The following MBNL2 variants were observed in gnomAD, a reference collection of about 807,000 sequenced individuals.
The protein encoded by MBNL2 is muscleblind like splicing regulator 2.
MBNL2 carries 17 observed loss-of-function variants against 41.9 expected under a neutral mutation model. The ratio of observed to expected loss-of-function variants is 0.41; its 90% CI spans 0.28 to 0.61. The LOEUF is 0.61. Ranked by LOEUF, MBNL2 falls within the 20% of genes least tolerant of loss-of-function variation. MBNL2 has a pLI of 0.35. For synonymous variants in MBNL2, 195 were observed against 182.9 expected, an observed-to-expected ratio of 1.07 and a Z score of -0.53; for missense variants, 336 against 505.6, an observed-to-expected ratio of 0.66 and a Z score of 3.22.
chr13:97,295,105 A>G (rs939999639), intron 2 of MBNL2, among the ~76,000 whole-genome samples: 1 of 152,236 alleles, frequency 6.6e-6, no homozygotes, highest in Non-Finnish European at 1.5e-5. Context: ...CGGAGAAGAC[A>G]TGATAGCCCT....
chr13:97,253,648 C>A (rs1158676796), intron 1 of MBNL2, among the ~76,000 whole-genome samples: 1 of 152,062 alleles, frequency 6.6e-6, no homozygotes, highest in Non-Finnish European at 1.5e-5. Context: ...AAACATGTTT[C>A]AAATTTACTA....
intron 1 of MBNL2, among the ~76,000 whole-genome samples, chr13:97,228,503 A>G (rs1026116318): frequency 7.3e-5 from 11 of 150,992 alleles, no homozygotes; most frequent in Non-Finnish European, 1.5e-4. Flanking sequence ...ACATGTATAT[A>G]TAATTTCAGT....
intron 1 of MBNL2, among the ~76,000 whole-genome samples, chr13:97,272,708 G>A (rs1223268723): frequency 2.0e-5 from 3 of 152,162 alleles, no homozygotes; most frequent in Non-Finnish European, 4.4e-5. Context: ...GGTTCTAAGT[G>A]TTCTCACAAC....
At chr13:97,208,281 G>A in the MBNL2 span, among the ~76,000 whole-genome samples, 1 of 152,146 alleles carries the variant, frequency 6.6e-6, no homozygotes, top group Non-Finnish European at 1.5e-5. Context: ...CATGTTGTGG[G>A]ACCATTATTT....
intron 1 of MBNL2, among the ~76,000 whole-genome samples, chr13:97,251,604 T>C (rs1303519394): frequency 6.6e-6 from 1 of 152,230 alleles, no homozygotes; most frequent in African/African-American, 2.4e-5. Flanking sequence ...TTCTTTGCAT[T>C]GTTTTGTATT....
chr13:97,223,547 GA>G (rs1176058172), intron 1 of MBNL2, among the ~76,000 whole-genome samples: 1 of 152,076 alleles, frequency 6.6e-6, no homozygotes, highest in Non-Finnish European at 1.5e-5. Flanking sequence ...CTGAAGCGAA[GA>G]AAAAAATCTG....
intron 3 of MBNL2, among the ~76,000 whole-genome samples, chr13:97,336,828 G>C (rs1408973297): frequency 6.6e-6 from 1 of 152,176 alleles, no homozygotes; most frequent in African/African-American, 2.4e-5. Flanking sequence ...TGCAAAAACT[G>C]CATAAGACAA....
chr13:97,274,258 G>A (rs1009661799), intron 1 of MBNL2, among the ~76,000 whole-genome samples: 17 of 152,090 alleles, frequency 1.1e-4, no homozygotes, highest in African/African-American at 4.1e-4. Flanking sequence ...GAAGGTTGAG[G>A]TGGGCAGATC....
intron 7 of MBNL2, among the ~76,000 whole-genome samples, chr13:97,360,648 C>T (rs1377890727): frequency 6.6e-6 from 1 of 152,174 alleles, no homozygotes; most frequent in Non-Finnish European, 1.5e-5. Context: ...TTGCATTTTG[C>T]AGATGGAAAA....
intron 2 of MBNL2, among the ~76,000 whole-genome samples, chr13:97,332,576 A>T (rs1269020665): frequency 1.3e-5 from 2 of 152,246 alleles, no homozygotes; most frequent in African/African-American, 2.4e-5. Flanking sequence ...AGGATTAAAA[A>T]TTTTAAAAAG....
chr13:97,217,078 G>T (rs948119186), upstream of MBNL2, among the ~76,000 whole-genome samples: 1 of 147,604 alleles, frequency 6.8e-6, no homozygotes, highest in South Asian at 2.1e-4. Flanking sequence ...CATATGTGTT[G>T]TATATAATAT....
At chr13:97,173,579 G>A in the MBNL2 span, among the ~76,000 whole-genome samples, 1 of 152,082 alleles carries the variant, frequency 6.6e-6, no homozygotes, top group African/African-American at 2.4e-5. Context: ...AGTCTTTATA[G>A]CCTGAGTGAT....
chr13:97,287,949 T>G (rs1245579546), intron 2 of MBNL2, among the ~76,000 whole-genome samples: 9 of 147,316 alleles, frequency 6.1e-5, no homozygotes, highest in African/African-American at 2.3e-4. Context: ...GTTTTTTTTT[T>G]TTTTAGTAGA....
chr13:97,162,013 G>A, the MBNL2 span, among the ~76,000 whole-genome samples: 2 of 152,186 alleles, frequency 1.3e-5, no homozygotes, highest in South Asian at 4.1e-4. Flanking sequence ...GGCTCTACAG[G>A]AAGTACAGTA....
chr13:97,156,814 T>G, the MBNL2 span, among the ~76,000 whole-genome samples: 1 of 152,202 alleles, frequency 6.6e-6, no homozygotes, highest in Non-Finnish European at 1.5e-5. Flanking sequence ...TAGTATAGTT[T>G]GAAATCAGGT....
At chr13:97,322,217 C>A (rs1426455826) in intron 2 of MBNL2, among the ~76,000 whole-genome samples, 2 of 152,244 alleles carry the variant, frequency 1.3e-5, no homozygotes, top group East Asian at 3.9e-4. Flanking sequence ...CATAGCCTTC[C>A]CCAGCCGGTG....
intron 7 of MBNL2, among the ~76,000 whole-genome samples, chr13:97,363,664 A>C (rs1223571010): frequency 6.6e-6 from 1 of 152,164 alleles, no homozygotes; most frequent in African/African-American, 2.4e-5. Context: ...ATGAAGACTC[A>C]GTAGGGATAG....
At position 97,342,848 on chromosome 13, in the gene MBNL2, G is replaced by A. The variant is rs553127804; in HGVS notation, c.340-168G>A. On this transcript the variant is annotated intron_variant, in intron 3 of 8. Transcript: ENST00000679496. ...TTCTCTCATATTTCTGTATGGTTTG[G>A]GGAAGAGAGGGTCTACATGGATGTC... 2.0e-5 allele frequency among the ~76,000 whole-genome samples: 3 copies of A among 152,190 alleles called. No homozygotes were observed. In the South Asian group the frequency reaches 6.2e-4, roughly 32 times the overall value.
the MBNL2 span, among the ~76,000 whole-genome samples, chr13:97,193,834 A>C: frequency 6.6e-6 from 1 of 152,174 alleles, no homozygotes; most frequent in Non-Finnish European, 1.5e-5. Context: ...TTTCTCGAGC[A>C]TCTTCAATGA....
Sources: allele counts gnomAD v4.1 joint callset (sites outside exome capture counted in the v4.1 genomes callset), GRCh38; gene constraint gnomAD v4.1.1; transcripts MANE v1.5; gene names NCBI Gene and HGNC (gene_info 2026-07-23, HGNC 2026-07-21).